Variants in RUNX1 observed in about 807,000 individuals in gnomAD.
The protein encoded by RUNX1 is runt-related transcription factor 1.
Under a neutral mutation model 42.8 loss-of-function variants are expected in RUNX1, and 19 were observed. The observed-to-expected ratio is 0.44, with a 90% CI of 0.31 to 0.65. The LOEUF is 0.65. Ranked by LOEUF, RUNX1 falls within the 30% of genes least tolerant of loss-of-function variation. The pLI is 0.07. For missense variants in RUNX1, 528 were observed against 672.0 expected, an observed-to-expected ratio of 0.79 and a Z score of 2.37; for synonymous variants, 271 against 289.4, an observed-to-expected ratio of 0.94 and a Z score of 0.64.
intron 2 of RUNX1, among the ~76,000 whole-genome samples, chr21:35,014,818 T>A (rs2059148670): frequency 6.6e-6 from 1 of 152,248 alleles, no homozygotes. Flanking sequence ...CTCAGCTCCC[T>A]GTAAACATCC....
chr21:35,030,840 A>C (rs535848543), intron 2 of RUNX1, among the ~76,000 whole-genome samples: 1 of 152,364 alleles, frequency 6.6e-6, no homozygotes, highest in East Asian at 1.9e-4. Flanking sequence ...TAAGGTATTA[A>C]TTTCCAAACT....
chr21:34,981,554 A>G (rs1014611182), intron 2 of RUNX1, among the ~76,000 whole-genome samples: 3 of 152,244 alleles, frequency 2.0e-5, no homozygotes, highest in Non-Finnish European at 4.4e-5. Flanking sequence ...AATTTATTTG[A>G]AAGTCCAAAA....
chr21:35,019,026 C>G (rs1199860594), intron 2 of RUNX1, among the ~76,000 whole-genome samples: 2 of 152,180 alleles, frequency 1.3e-5, no homozygotes, highest in Non-Finnish European at 2.9e-5. Context: ...ATAATTTCAC[C>G]ACACTTTCAG....
chr21:35,018,728 C>T (rs777307712), intron 2 of RUNX1, among the ~76,000 whole-genome samples: 6 of 152,094 alleles, frequency 3.9e-5, no homozygotes, highest in Non-Finnish European at 5.9e-5. Flanking sequence ...CCTTCCTCTA[C>T]GCAGTCACAC....
At chr21:34,876,207 T>C (rs1236123990) in intron 5 of RUNX1, among the ~76,000 whole-genome samples, 1 of 152,130 alleles carries the variant, frequency 6.6e-6, no homozygotes, top group East Asian at 1.9e-4. Flanking sequence ...CCCCCTCCCC[T>C]TTACCCGTGA....
intron 2 of RUNX1, among the ~76,000 whole-genome samples, chr21:34,986,466 T>C (rs28391463): frequency 0.39 from 59,251 of 150,306 alleles, 11,949 homozygotes; most frequent in African/African-American, 0.48. Context: ...TGGTTCCCTA[T>C]GTGTCTCCCA....
intron 6 of RUNX1, among the ~76,000 whole-genome samples, chr21:34,857,698 C>A (rs2409560): frequency 0.82 from 124,173 of 152,176 alleles, 50,794 homozygotes; most frequent in East Asian, 0.95. Flanking sequence ...CCAGCCAGGC[C>A]CCTTGCCATA....
intron 5 of RUNX1, among the ~76,000 whole-genome samples, chr21:34,878,358 A>T (rs866725734): frequency 0.042 from 6,093 of 145,292 alleles, 156 homozygotes; most frequent in African/African-American, 0.082. Context: ...AAAAAAAAAA[A>T]AAATATATAT....
intron 2 of RUNX1, among the ~76,000 whole-genome samples, chr21:34,963,766 C>T (rs76354179): frequency 0.014 from 2,076 of 152,234 alleles, 21 homozygotes; most frequent in East Asian, 0.034. Context: ...GCTGTCTCTA[C>T]CCCGACGCTG....
At chr21:34,965,723 G>GCA (rs139428452) in intron 2 of RUNX1, among the ~76,000 whole-genome samples, 9 of 151,578 alleles carry the variant, frequency 5.9e-5, no homozygotes, top group African/African-American at 9.7e-5. Context: ...GTGACACAGA[G>GCA]CACACACACA....
intron 5 of RUNX1, among the ~76,000 whole-genome samples, chr21:34,875,604 C>T (rs76890711): frequency 0.012 from 1,902 of 152,200 alleles, 41 homozygotes; most frequent in African/African-American, 0.044. Context: ...GAACATTACC[C>T]GTGAAACAAC....
intron 3 of RUNX1, chr21:34,887,612 A>C: frequency 9.2e-7 from 1 of 1,086,396 alleles, no homozygotes; most frequent in South Asian, 4.0e-5. Flanking sequence ...TAACAAGGCC[A>C]CTTTTATCAT....
At chr21:34,824,354 G>C (rs1438374608) in intron 7 of RUNX1, among the ~76,000 whole-genome samples, 1 of 152,148 alleles carries the variant, frequency 6.6e-6, no homozygotes, top group East Asian at 1.9e-4. Context: ...TTTGTTTTTA[G>C]GGTGAGTTCT....
chr21:34,961,180 C>A (rs1467815187), intron 2 of RUNX1, among the ~76,000 whole-genome samples: 1 of 152,076 alleles, frequency 6.6e-6, no homozygotes, highest in East Asian at 1.9e-4. Context: ...TCGAGACCAT[C>A]CTGGCCAACA....
intron 6 of RUNX1, among the ~76,000 whole-genome samples, chr21:34,846,288 G>C (rs2057315818): frequency 6.7e-6 from 1 of 148,322 alleles, no homozygotes; most frequent in Non-Finnish European, 1.5e-5. Flanking sequence ...CTCTGGCGTG[G>C]ACCTTCATTC....
chr21:34,859,619 T>C, intron 5 of RUNX1, 41 bp from the exon 6 acceptor site: 1 of 1,448,082 alleles, frequency 6.9e-7, no homozygotes, highest in Non-Finnish European at 9.7e-7. Flanking sequence ...ATGAGGTTGG[T>C]GGCCTGAACA....
At chr21:35,035,220 C>T (rs778828121) in intron 2 of RUNX1, among the ~76,000 whole-genome samples, 26 of 152,228 alleles carry the variant, frequency 1.7e-4, no homozygotes, top group Non-Finnish European at 3.5e-4. Flanking sequence ...GCAACAGCTG[C>T]ATGGGTAATC....
intron 2 of RUNX1, among the ~76,000 whole-genome samples, chr21:34,968,248 T>G (rs553830730): frequency 2.0e-5 from 3 of 152,206 alleles, no homozygotes; most frequent in Admixed American, 6.5e-5. Context: ...TCCAAAGCAA[T>G]GTGTCTCTTC....
intron 2 of RUNX1, among the ~76,000 whole-genome samples, chr21:34,982,650 A>T (rs1207155884): frequency 1.3e-5 from 2 of 152,118 alleles, no homozygotes; most frequent in African/African-American, 4.8e-5. Flanking sequence ...GCTTATTGCA[A>T]TCTCCGCCAC....
Sources: gnomAD v4.1 joint callset for allele counts (sites outside exome capture counted in the v4.1 genomes callset) on GRCh38, gnomAD v4.1.1 for gene constraint, MANE v1.5 for transcripts, NCBI Gene and HGNC (gene_info 2026-07-23, HGNC 2026-07-21) for gene names.